The following ABI1 variants were observed in gnomAD, a reference collection of about 807,000 sequenced individuals.
ABI1 encodes Abelson interactor 1.
Under a neutral mutation model 54.6 loss-of-function variants are expected in ABI1, and 14 were observed. The observed-to-expected ratio is 0.26, with a 90% confidence interval of 0.17 to 0.40. The LOEUF is 0.40. ABI1 is among the 10% of genes least tolerant of loss of function. The probability of loss-of-function intolerance (pLI) is 1.00; values close to 1 mark genes in which losing one functional copy is unlikely to be tolerated. For synonymous variants in ABI1, 194 were observed against 209.3 expected, an observed-to-expected ratio of 0.93 and a Z score of 0.63; for missense variants, 443 against 598.3, an observed-to-expected ratio of 0.74 and a Z score of 2.71.
In ABI1 at chr10:26,766,988, T is replaced by C. The variant is rs928333866; in HGVS notation, c.720-1670A>G. ...GTAATTGCATCAGAAACCATATATA[T>C]GGCCCACGAATCCTAAAATATTGAC... On this transcript the variant is annotated intron_variant, in intron 6 of 10. Transcript: ENST00000376140. Among the ~76,000 whole-genome samples the C allele has an allele frequency of 2.0e-5, 3 of 152,174 alleles. No individual in the cohort carries two copies. In the East Asian group the frequency reaches 5.8e-4, roughly 29 times the overall value.
chr10:26,797,674 A>G (rs1290475365), intron 2 of ABI1, among the ~76,000 whole-genome samples: 1 of 152,180 alleles, frequency 6.6e-6, no homozygotes, highest in Non-Finnish European at 1.5e-5. Context: ...ATCTGGCTGA[A>G]TAGTGGGGTC....
chr10:26,770,480 C>G (rs1840550253), intron 4 of ABI1, 135 bp from the exon 5 acceptor site: 1 of 938,916 alleles, frequency 1.1e-6, no homozygotes, highest in Non-Finnish European at 1.7e-6. Context: ...GACTTTGGTA[C>G]TACAGTTTAA....
intron 2 of ABI1, among the ~76,000 whole-genome samples, chr10:26,815,314 G>C (rs1425992254): frequency 6.6e-6 from 1 of 151,880 alleles, no homozygotes; most frequent in African/African-American, 2.4e-5. Flanking sequence ...CATTTACCTA[G>C]TCACCTTAAT....
chr10:26,837,833 T>G (rs2049199089), intron 1 of ABI1, among the ~76,000 whole-genome samples: 1 of 149,288 alleles, frequency 6.7e-6, no homozygotes, highest in Admixed American at 6.7e-5. Flanking sequence ...CAGGCTGGTC[T>G]CAAATTCCAG....
intron 1 of ABI1, among the ~76,000 whole-genome samples, chr10:26,829,516 GCTTAA>G (rs1469360338): frequency 6.6e-6 from 1 of 152,086 alleles, no homozygotes; most frequent in African/African-American, 2.4e-5. Flanking sequence ...ATGTTAATTA[GCTTAA>G]CTTAGACATT....
chr10:26,815,506 T>C (rs2047506560), intron 2 of ABI1, among the ~76,000 whole-genome samples: 1 of 152,246 alleles, frequency 6.6e-6, no homozygotes, highest in East Asian at 1.9e-4. Flanking sequence ...TGAAAATGTT[T>C]TGTTACTGAA....
At position 26,747,060 on chromosome 10, in the gene ABI1, G is replaced by GAAAT. The variant is rs1419130167; in HGVS notation, c.*1506_*1509dup. On this transcript the variant is annotated 3_prime_UTR_variant, in exon 11 of 11. Transcript: ENST00000376140. ...AAATTAACAAAGGCAAAATGCATAT[G>GAAAT]AAATAGTCACATTGATTTGGTAGCA... 4.4e-6 allele frequency: 1 copy of GAAAT among 229,288 alleles called. No homozygotes were observed. Among genetic ancestry groups the GAAAT allele is most frequent in the Non-Finnish European group, 8.7e-6 (1 of 115,502 alleles). 14.2% of individuals were successfully genotyped at this position (229,288 alleles called of 1,614,324 possible).
intron 2 of ABI1, among the ~76,000 whole-genome samples, chr10:26,803,213 A>C (rs541136228): frequency 5.0e-4 from 76 of 152,336 alleles, no homozygotes; most frequent in African/African-American, 1.8e-3. Context: ...GAAGCACAGA[A>C]TATGAGGGAA....
intron 2 of ABI1, among the ~76,000 whole-genome samples, chr10:26,785,755 GGGTGAAGTTCAGGTA>G (rs1298802281): frequency 2.6e-5 from 4 of 151,632 alleles, no homozygotes; most frequent in African/African-American, 9.7e-5. Context: ...TCTCCCTCCA[GGGTGAAGTTCAGGTA>G]GGCTTACAAG....
intron 1 of ABI1, among the ~76,000 whole-genome samples, chr10:26,850,674 A>G (rs1234067421): frequency 6.7e-6 from 1 of 149,218 alleles, no homozygotes; most frequent in African/African-American, 2.5e-5. Context: ...AAAAAAAAAA[A>G]GAAAAGAAAA....
At chr10:26,759,973 T>C (rs1238035922) in intron 7 of ABI1, among the ~76,000 whole-genome samples, 1 of 152,018 alleles carries the variant, frequency 6.6e-6, no homozygotes, top group Non-Finnish European at 1.5e-5. Context: ...AGAAAATTTT[T>C]TGACTCTATA....
chr10:26,777,177 T>C lies in ABI1; in HGVS notation c.350A>G (p.Asn117Ser), dbSNP rs200435060. ...TATTATTTTGTGAGTTCTTGATGTATTCTTATTTGTTGTCAAAATACCAAT... is the reference window on the plus strand; with the variant it reads ...TATTATTTTGTGAGTTCTTGATGTACTCTTATTTGTTGTCAAAATACCAAT... ...REIGILTTNKNTSRTHKIIAP... is the reference protein window; with the variant it reads ...REIGILTTNKSTSRTHKIIAP... The change falls in exon 3 of 11, where the codon AAT becomes AGT. Residue 117 changes from asparagine to serine, a missense_variant. Physicochemically the swap from Asn to Ser is conservative, Grantham distance 46 (BLOSUM62 1). Around this residue, in one of 2 missense-constraint regions of ABI1, gnomAD observed 394 missense variants for 484.8 expected, o/e 0.81. Transcript: ENST00000376140. 90 of 1,613,768 alleles carry C rather than the reference T, an allele frequency of 5.6e-5. No homozygotes were observed. The highest frequency in any genetic ancestry group is 6.8e-5 in the Non-Finnish European group (80 of 1,179,872).
At position 26,748,463 on chromosome 10, in the gene ABI1, C is replaced by G. The variant is rs1837184277; in HGVS notation, c.*107G>C. ...CAATTTACCAATAAAACAGCATGTT[C>G]TGAAAATATGGGCACATTTTAAAAC... On this transcript the variant is annotated 3_prime_UTR_variant, in exon 11 of 11. Transcript: ENST00000376140. 1.2e-6 allele frequency: 1 copy of G among 830,544 alleles called. No homozygotes were observed. 51.4% of individuals were successfully genotyped at this position (830,544 alleles called of 1,614,324 possible). A position where few individuals can be genotyped will look rare whatever the true frequency, so the allele number is the denominator to read the frequency against.
Position 26,823,204 on chromosome 10 carries a change from G to A in ABI1, c.219C>T (p.Leu73=), listed in dbSNP as rs1180516142. 1 of 1,606,078 alleles carries A rather than the reference G, an allele frequency of 6.2e-7. No individual in the cohort carries two copies. Among genetic ancestry groups the A allele is most frequent in the Middle Eastern group, 1.7e-4 (1 of 6,050 alleles). The part of the protein sequence containing the change: ...YQINALANNV[L]QLLDIQASQL... ...GAGAGGCTTGGATATCCAGCAACTG[G>A]AGTACATTGTTGGCCAATGCATTTA... Residue 73 remains leucine, a synonymous_variant, in exon 2 of 11, where the codon CTC becomes CTT. Transcript: ENST00000376140.
chr10:26,807,342 G>C (rs2046940875), intron 2 of ABI1, among the ~76,000 whole-genome samples: 2 of 152,098 alleles, frequency 1.3e-5, no homozygotes, highest in Admixed American at 1.3e-4. Context: ...AGGTGTGGTG[G>C]TGCATGCCTG....
chr10:26,813,218 C>T (rs1564530849), intron 2 of ABI1, among the ~76,000 whole-genome samples: 4 of 151,202 alleles, frequency 2.6e-5, no homozygotes, highest in Admixed American at 2.6e-4. Context: ...CACTGCACTC[C>T]AGCCTGGGCC....
At chr10:26,789,749 A>G (rs1843180057) in intron 2 of ABI1, among the ~76,000 whole-genome samples, 1 of 152,256 alleles carries the variant, frequency 6.6e-6, no homozygotes, top group South Asian at 2.1e-4. Flanking sequence ...CCTAGTATCC[A>G]TTAGGTTTTT....
At chr10:26,771,696 G>C (rs997984628) in intron 3 of ABI1, among the ~76,000 whole-genome samples, 1 of 151,982 alleles carries the variant, frequency 6.6e-6, no homozygotes, top group Admixed American at 6.6e-5. Flanking sequence ...AAACAAACAG[G>C]GTCTGGAAAA....
intron 6 of ABI1, among the ~76,000 whole-genome samples, chr10:26,766,238 C>A (rs923447603): frequency 1.1e-4 from 16 of 152,132 alleles, no homozygotes; most frequent in Non-Finnish European, 1.9e-4. Flanking sequence ...AAACTCTAAC[C>A]AACTCCTCGC....
Sources: allele counts gnomAD v4.1 joint callset (sites outside exome capture counted in the v4.1 genomes callset), GRCh38; gene constraint gnomAD v4.1.1; regional missense constraint gnomAD v4.1.1; transcripts MANE v1.5; gene names NCBI Gene and HGNC (gene_info 2026-07-23, HGNC 2026-07-21).